DCC: variants seen among roughly 807,000 people sequenced by gnomAD.
DCC encodes the protein DCC netrin 1 receptor.
In DCC, 58 loss-of-function variants were observed where a neutral mutation model predicts 172.5. That is an observed-to-expected ratio of 0.34 (90% CI 0.27 to 0.42). The LOEUF is 0.42. Ranked by LOEUF, DCC falls within the 10% of genes least tolerant of loss-of-function variation. The pLI, the probability that DCC is intolerant of heterozygous loss-of-function variation, is 1.00. For synonymous variants in DCC, 709 were observed against 644.5 expected, an observed-to-expected ratio of 1.10 and a Z score of -1.52; for missense variants, 1,740 against 1,791.0, an observed-to-expected ratio of 0.97 and a Z score of 0.51.
At chr18:53,184,449 C>A (rs1442172257) in intron 9 of DCC, among the ~76,000 whole-genome samples, 5 of 152,080 alleles carry the variant, frequency 3.3e-5, no homozygotes, top group Non-Finnish European at 5.9e-5. Context: ...CTACTACACA[C>A]CTAGGCTCTA....
chr18:52,680,081 G>A (rs1321156389), intron 1 of DCC, among the ~76,000 whole-genome samples: 2 of 152,120 alleles, frequency 1.3e-5, no homozygotes, highest in Non-Finnish European at 2.9e-5. Flanking sequence ...CAGGCTTAGA[G>A]AGGCGTAGAT....
At chr18:52,631,309 A>C (rs2034670711) in intron 1 of DCC, among the ~76,000 whole-genome samples, 1 of 152,242 alleles carries the variant, frequency 6.6e-6, no homozygotes, top group Non-Finnish European at 1.5e-5. Context: ...AAGAAAAAAA[A>C]ATAAAAAACA....
chr18:52,834,647 T>A (rs2145302856), intron 2 of DCC, among the ~76,000 whole-genome samples: 1 of 152,250 alleles, frequency 6.6e-6, no homozygotes, highest in Non-Finnish European at 1.5e-5. Context: ...ATTTGAAAAA[T>A]ATATGACCTT....
At chr18:52,484,070 G>T (rs2030089017) in intron 1 of DCC, among the ~76,000 whole-genome samples, 1 of 151,930 alleles carries the variant, frequency 6.6e-6, no homozygotes, top group African/African-American at 2.4e-5. Flanking sequence ...ATTTTGTTTT[G>T]ACTTTTCTTC....
At chr18:53,191,175 A>C (rs747851817) in intron 9 of DCC, among the ~76,000 whole-genome samples, 5 of 152,166 alleles carry the variant, frequency 3.3e-5, no homozygotes, top group Non-Finnish European at 7.3e-5. Flanking sequence ...TATTCTTCAG[A>C]GGGGTTAATT....
At chr18:52,666,273 G>A (rs960087907) in intron 1 of DCC, among the ~76,000 whole-genome samples, 8 of 151,932 alleles carry the variant, frequency 5.3e-5, no homozygotes, top group African/African-American at 1.5e-4. Context: ...CAGCTTGGGC[G>A]ACAGAGTGAG....
chr18:52,730,358 C>T (rs2036619164), intron 1 of DCC, among the ~76,000 whole-genome samples: 2 of 152,114 alleles, frequency 1.3e-5, no homozygotes, highest in Admixed American at 1.3e-4. Flanking sequence ...AACAGTGCCA[C>T]CATTGAGAAA....
intron 14 of DCC, among the ~76,000 whole-genome samples, chr18:53,331,262 A>G (rs1432363268): frequency 6.6e-6 from 1 of 152,182 alleles, no homozygotes; most frequent in Non-Finnish European, 1.5e-5. Context: ...TAGTTTTGAG[A>G]GCATACGGTT....
chr18:52,367,385 G>A (rs1195617259), intron 1 of DCC, among the ~76,000 whole-genome samples: 1 of 152,230 alleles, frequency 6.6e-6, no homozygotes, highest in East Asian at 1.9e-4. Context: ...CTCCTCAAAT[G>A]CCGCCAAAGT....
intron 1 of DCC, among the ~76,000 whole-genome samples, chr18:52,556,781 G>A (rs913843892): frequency 6.6e-6 from 1 of 151,848 alleles, no homozygotes; most frequent in Non-Finnish European, 1.5e-5. Context: ...TTTCCCCAGT[G>A]TCAATTGGTG....
At chr18:53,175,178 C>A (rs537083695) in intron 8 of DCC, among the ~76,000 whole-genome samples, 4,323 of 151,822 alleles carry the variant, frequency 0.028, 69 homozygotes, top group Admixed American at 0.046. Flanking sequence ...GACATATTTC[C>A]AAATAATAAG....
intron 2 of DCC, among the ~76,000 whole-genome samples, chr18:52,808,125 T>G (rs967471657): frequency 6.6e-6 from 1 of 152,194 alleles, no homozygotes; most frequent in Non-Finnish European, 1.5e-5. Flanking sequence ...TTTCACAAGC[T>G]TAGGTGCCTA....
intron 22 of DCC, among the ~76,000 whole-genome samples, chr18:53,436,390 T>C (rs776560593): frequency 3.9e-5 from 6 of 152,228 alleles, no homozygotes; most frequent in Non-Finnish European, 8.8e-5. Context: ...ACTGAACTGA[T>C]AAATTTCCAT....
chr18:52,610,378 T>TCAA (rs2034249474), intron 1 of DCC, among the ~76,000 whole-genome samples: 2 of 18,618 alleles, frequency 1.1e-4, no homozygotes, highest in African/African-American at 5.0e-4. Context: ...AGACTCTGTC[T>TCAA]CAACAAAAAA....
chr18:52,683,988 A>G (rs1286653783), intron 1 of DCC, among the ~76,000 whole-genome samples: 1 of 152,138 alleles, frequency 6.6e-6, no homozygotes, highest in African/African-American at 2.4e-5. Flanking sequence ...GATATGAAAC[A>G]TATATAATCC....
intron 1 of DCC, among the ~76,000 whole-genome samples, chr18:52,653,166 T>C (rs537969381): frequency 1.3e-5 from 2 of 152,272 alleles, no homozygotes; most frequent in South Asian, 4.2e-4. Flanking sequence ...GGAAGTATTC[T>C]TTTAAAGGCA....
chr18:52,766,215 T>G (rs1417499021), intron 2 of DCC, among the ~76,000 whole-genome samples: 1 of 152,154 alleles, frequency 6.6e-6, no homozygotes, highest in Non-Finnish European at 1.5e-5. Context: ...AGCAAGCACT[T>G]TTGGGCGCCA....
At position 53,458,542 on chromosome 18, in the gene DCC, C is replaced by T. The variant is rs1171287447; in HGVS notation, c.3393-690C>T. Among the ~76,000 whole-genome samples the T allele has an allele frequency of 2.0e-5, 3 of 152,152 alleles. No individual in the cohort carries two copies. In the East Asian group the frequency reaches 5.8e-4, roughly 29 times the overall value. On this transcript the variant is annotated intron_variant, in intron 23 of 28. Transcript: ENST00000442544. ...CACTAGCCTCAAGAAGAGATTATCA[C>T]CCCAAAAATAAATTTATAGTTGTTA...
chr18:52,608,840 A>C (rs2034190573), intron 1 of DCC, among the ~76,000 whole-genome samples: 1 of 152,186 alleles, frequency 6.6e-6, no homozygotes, highest in Non-Finnish European at 1.5e-5. Flanking sequence ...GTAAAAACCA[A>C]ACTTGGCTTC....
Sources: gnomAD v4.1 joint callset for allele counts (sites outside exome capture counted in the v4.1 genomes callset) on GRCh38, gnomAD v4.1.1 for gene constraint, MANE v1.5 for transcripts, NCBI Gene and HGNC (gene_info 2026-07-23, HGNC 2026-07-21) for gene names.